The following SOS1 variants were observed in gnomAD, a reference collection of about 807,000 sequenced individuals.
SOS1 encodes the protein SOS Ras/Rac guanine nucleotide exchange factor 1, also known as son of sevenless homolog 1.
SOS1 carries 25 observed loss-of-function variants against 157.6 expected under a neutral mutation model. That is an observed-to-expected ratio of 0.16 (90% CI 0.12 to 0.22). The LOEUF is 0.22. Ranked by LOEUF, SOS1 falls within the 10% of genes least tolerant of loss-of-function variation. The pLI is 1.00. For missense variants in SOS1, 1,237 were observed against 1,599.1 expected, an observed-to-expected ratio of 0.77 and a Z score of 3.86; for synonymous variants, 528 against 534.0, an observed-to-expected ratio of 0.99 and a Z score of 0.16.
chr2:39,086,975 G>A (rs1672399471), intron 1 of SOS1, among the ~76,000 whole-genome samples: 1 of 152,058 alleles, frequency 6.6e-6, no homozygotes, highest in Admixed American at 6.6e-5. Context: ...ACCACATCTG[G>A]CTAATTTTTG....
intron 6 of SOS1, among the ~76,000 whole-genome samples, chr2:39,045,276 G>T (rs1249897390): frequency 2.7e-5 from 4 of 146,546 alleles, no homozygotes; most frequent in Admixed American, 6.7e-5. Context: ...GAGAGAGAGT[G>T]TGTGTGTGTG....
At chr2:39,053,238 C>A (rs902788621) in intron 5 of SOS1, among the ~76,000 whole-genome samples, 1 of 152,136 alleles carries the variant, frequency 6.6e-6, no homozygotes, top group African/African-American at 2.4e-5. Flanking sequence ...ATTTTATATT[C>A]CCACAAGTAG....
intron 6 of SOS1, among the ~76,000 whole-genome samples, chr2:39,045,854 G>A (rs1388952109): frequency 6.6e-6 from 1 of 152,014 alleles, no homozygotes; most frequent in Admixed American, 6.6e-5. Flanking sequence ...GATTACAGGT[G>A]CACACCACCA....
intron 17 of SOS1, 121 bp from the exon 18 acceptor site, chr2:38,997,546 G>T: frequency 1.6e-6 from 1 of 622,112 alleles, no homozygotes; most frequent in Non-Finnish European, 2.8e-6. Flanking sequence ...AAGAACCAAG[G>T]CTCAGATTTC....
intron 2 of SOS1, among the ~76,000 whole-genome samples, chr2:39,062,717 TCAGTC>T (rs1671452742): frequency 1.3e-5 from 2 of 151,192 alleles, no homozygotes; most frequent in Non-Finnish European, 2.9e-5. Flanking sequence ...ACAAAGGAAA[TCAGTC>T]CAGTCAAGTA....
chr2:39,014,097 A>G lies in SOS1; in HGVS notation c.1941-108T>C, dbSNP rs111239214. On this transcript the variant is annotated intron_variant, in intron 11 of 22. Coordinates refer to ENST00000402219, the MANE Select transcript of SOS1 (RefSeq NM_005633.4). ...CAGCAAAATCAAGAGAATACTGTAA[A>G]AAATTACTGAAGATATGCATATCAG... 6.6e-5 allele frequency: 50 copies of G among 757,008 alleles called. 1 individual carries two copies. Among genetic ancestry groups the G allele is most frequent in the African/African-American group, 4.4e-4 (25 of 57,054 alleles). 46.9% of individuals were successfully genotyped at this position (757,008 alleles called of 1,614,324 possible). A position where few individuals can be genotyped will look rare whatever the true frequency, so the allele number is the denominator to read the frequency against.
chr2:38,987,358 A>T, intron 22 of SOS1, 115 bp downstream of exon 22: 1 of 703,242 alleles, frequency 1.4e-6, no homozygotes, highest in Non-Finnish European at 2.6e-6. Flanking sequence ...TTAAACTATT[A>T]AGCCTGTATA....
At chr2:39,083,842 T>A (rs1043914165) in intron 1 of SOS1, among the ~76,000 whole-genome samples, 2 of 152,226 alleles carry the variant, frequency 1.3e-5, no homozygotes, top group South Asian at 4.1e-4. Flanking sequence ...CACTGTGGAA[T>A]ATGATTGTTA....
chr2:39,051,360 G>A, intron 5 of SOS1, 73 bp from the exon 6 acceptor site: 2 of 1,377,626 alleles, frequency 1.5e-6, no homozygotes, highest in African/African-American at 1.4e-5. Flanking sequence ...GAGCCAATAA[G>A]TCATTTTATA....
chr2:39,060,479 T>G (rs1429994153), intron 2 of SOS1, among the ~76,000 whole-genome samples: 1 of 152,196 alleles, frequency 6.6e-6, no homozygotes. Flanking sequence ...CAGGCTGGAG[T>G]GCAGTGGTGC....
chr2:39,029,471 A>G (rs943065775), intron 8 of SOS1, among the ~76,000 whole-genome samples: 16 of 152,108 alleles, frequency 1.1e-4, no homozygotes, highest in African/African-American at 3.9e-4. Flanking sequence ...ACCAGAAAAT[A>G]AAATTAGCCA....
chr2:39,100,953 GAAAAAC>G (rs1232487649), intron 1 of SOS1, among the ~76,000 whole-genome samples: 2 of 152,228 alleles, frequency 1.3e-5, no homozygotes, highest in Middle Eastern at 3.4e-3. Context: ...GAGACATGGA[GAAAAAC>G]AAAAACAAAA....
chr2:39,054,786 A>G lies in SOS1; in HGVS notation c.548T>C (p.Ile183Thr), dbSNP rs772569423. The part of the protein sequence containing the change: ...MDMFHQDVED[I>T]NILSLTDEEP... ...TTCGTCAGTTAAAGATAATATATTA[A>G]TATCTTCTACATCTTGATGAAACAT... The change falls in exon 5 of 23, where the codon ATT (isoleucine) becomes ACT (threonine). Residue 183 changes from isoleucine to threonine, a missense_variant. Ile to Thr is a moderately conservative substitution (Grantham distance 89). This residue lies in a region of SOS1 where 108 missense variants were observed against 115.3 expected (regional missense o/e 0.94). Transcript: ENST00000402219. 1.3e-6 allele frequency: 2 copies of G among 1,552,044 alleles called. No homozygotes were observed. Among genetic ancestry groups the G allele is most frequent in the South Asian group, 2.2e-5 (2 of 89,698 alleles).
intron 1 of SOS1, among the ~76,000 whole-genome samples, chr2:39,101,607 C>G (rs1672969507): frequency 6.6e-6 from 1 of 151,640 alleles, no homozygotes; most frequent in Non-Finnish European, 1.5e-5. Flanking sequence ...TCTGACAAAG[C>G]AACATTTATA....
At chr2:39,049,255 T>A (rs1223662336) in intron 6 of SOS1, among the ~76,000 whole-genome samples, 2 of 152,224 alleles carry the variant, frequency 1.3e-5, no homozygotes, top group African/African-American at 2.4e-5. Flanking sequence ...ATATTTCTTA[T>A]CTTGGTCTGT....
chr2:39,014,952 C>G (rs1053936783), intron 10 of SOS1, 106 bp from the exon 11 acceptor site: 1 of 746,262 alleles, frequency 1.3e-6, no homozygotes. Flanking sequence ...TTAAAAGTTC[C>G]AAAATGTTTT....
intron 4 of SOS1, among the ~76,000 whole-genome samples, chr2:39,055,986 C>CTTA (rs1382318979): frequency 6.6e-6 from 1 of 152,064 alleles, no homozygotes; most frequent in African/African-American, 2.4e-5. Context: ...AGTGTTTGCT[C>CTTA]TTATTATTAT....
chr2:39,024,266 A>G (rs1669885899), intron 8 of SOS1, 129 bp from the exon 9 acceptor site: 1 of 782,152 alleles, frequency 1.3e-6, no homozygotes, highest in Non-Finnish European at 2.1e-6. Context: ...GTCATCAAAT[A>G]TTCTTTTTAA....
chr2:39,106,121 G>A (rs1673167583), intron 1 of SOS1, among the ~76,000 whole-genome samples: 1 of 151,842 alleles, frequency 6.6e-6, no homozygotes, highest in African/African-American at 2.4e-5. Context: ...TTCGGAGGCT[G>A]ATGTGGGAGG....
Sources: gnomAD v4.1 joint callset for allele counts (sites outside exome capture counted in the v4.1 genomes callset) on GRCh38, gnomAD v4.1.1 for gene constraint, gnomAD v4.1.1 regional missense constraint, MANE v1.5 for transcripts, NCBI Gene and HGNC (gene_info 2026-07-23, HGNC 2026-07-21) for gene names.